The following MFSD12 variants were observed in gnomAD, a reference collection of about 807,000 sequenced individuals.
MFSD12 encodes major facilitator superfamily domain-containing protein 12.
A neutral mutation model predicts 51.2 loss-of-function variants in MFSD12; 67 were observed. That is an observed-to-expected ratio of 1.31 (90% CI 1.08 to 1.60). The LOEUF (loss-of-function observed/expected upper bound fraction) is 1.60. Among genes scored for constraint, MFSD12 ranks in the 40% most tolerant of loss-of-function variants. MFSD12 has a pLI of 0.00. For missense variants in MFSD12, 921 were observed against 673.0 expected (o/e 1.37, Z -4.08); for synonymous variants, 441 against 316.7 (o/e 1.39, Z -4.17).
downstream of MFSD12, among the ~76,000 whole-genome samples, chr19:3,540,541 G>C (rs12984831): frequency 0.026 from 3,958 of 151,266 alleles, 309 homozygotes; most frequent in East Asian, 0.27. Flanking sequence ...CAGGCGTGAG[G>C]CACCGCGCCT....
intron 1 of MFSD12, 87 bp downstream of exon 1, chr19:3,557,019 G>A: frequency 7.9e-7 from 1 of 1,258,948 alleles, no homozygotes; most frequent in South Asian, 1.7e-5. Flanking sequence ...GCAGGCAGAC[G>A]GCGGGTGGTG....
downstream of MFSD12, chr19:3,539,408 TC>T: frequency 1.7e-6 from 1 of 602,088 alleles, no homozygotes; most frequent in Admixed American, 2.6e-5. Context: ...CTCCAGCTCT[TC>T]CTGTTCCCCT....
downstream of MFSD12, chr19:3,541,702 A>G (rs2030432168): frequency 3.0e-6 from 3 of 985,206 alleles, no homozygotes; most frequent in Non-Finnish European, 3.6e-6. Flanking sequence ...GGGTGAGTGC[A>G]TGTACCACCT....
chr19:3,547,533 G>A lies in MFSD12; in HGVS notation c.852C>T (p.Tyr284=). 1 of 1,611,412 alleles carries A rather than the reference G, an allele frequency of 6.2e-7. No individual in the cohort carries two copies. Among genetic ancestry groups the A allele is most frequent in the Non-Finnish European group, 8.5e-7 (1 of 1,179,160 alleles). ...GGTTCACGATGAGCCTGGTGGTCAT[G>A]TACAGTATGCCCACCTGTGGGCAGA... is the stretch of plus-strand genomic sequence containing the variant. ...EPAFYQVGIL[Y]MTTRLIVNLS... is the part of the protein sequence containing the mutation. Residue 284 remains tyrosine, a synonymous_variant, in exon 5 of 10, where the codon TAC becomes TAT. Coordinates refer to ENST00000355415, the MANE Select transcript of MFSD12 (RefSeq NM_174983.5).
chr19:3,544,369 T>G lies in MFSD12; in HGVS notation c.*341A>C, dbSNP rs1599818635. ...TGTCTGGAGACCCCCAGGCTGGAGG[T>G]GAGGGGTGAACTGGACTGAGCTCAG... On this transcript the variant is annotated 3_prime_UTR_variant, in exon 10 of 10. Coordinates refer to ENST00000355415, the MANE Select transcript of MFSD12 (RefSeq NM_174983.5). 3.9e-6 allele frequency: 5 copies of G among 1,269,152 alleles called. No homozygotes were observed. Among genetic ancestry groups the G allele is most frequent in the South Asian group, 2.8e-5 (1 of 36,348 alleles). 78.6% of individuals were successfully genotyped at this position (1,269,152 alleles called of 1,614,324 possible).
intron 2 of MFSD12, among the ~76,000 whole-genome samples, chr19:3,550,329 G>A (rs922415999): frequency 3.3e-5 from 5 of 152,176 alleles, no homozygotes; most frequent in East Asian, 1.9e-4. Context: ...CAGGAGGATC[G>A]CTTGAGCCCA....
At chr19:3,542,640 C>T (rs1387577079), downstream of MFSD12, 3 of 1,065,506 alleles carry the variant, frequency 2.8e-6, no homozygotes, top group African/African-American at 3.3e-5. Flanking sequence ...CCACACCATG[C>T]CTGGCTTAAT....
At chr19:3,538,890 G>A (rs1340296023) in intron 4 of MFSD12, 35 of 642,650 alleles carry the variant, frequency 5.4e-5, no homozygotes, top group Middle Eastern at 6.3e-4. Context: ...GCCCCTCAAG[G>A]GGGTGTGGAG....
rs564229071 is a variant in MFSD12 at position 3,545,322 on chromosome 19, G to C, written c.1290-383C>G. Among the ~76,000 whole-genome samples, 5 of 152,254 alleles carry C rather than the reference G, an allele frequency of 3.3e-5. No individual in the cohort carries two copies. In the South Asian group the frequency reaches 6.2e-4, roughly 19 times the overall value. ...GTCCCTCTTCTGCCCACAGCTCTCT[G>C]TGAGTCCCACTGTCCTCAGGGTCAA... On this transcript the variant is annotated intron_variant, in intron 8 of 9. Transcript: ENST00000355415.
At position 3,548,017 on chromosome 19, in the gene MFSD12, A is replaced by G. The variant is rs755446974; in HGVS notation, c.668T>C (p.Leu223Pro). 6.3e-7 allele frequency: 1 copy of G among 1,599,488 alleles called. No individual in the cohort carries two copies. Among genetic ancestry groups the G allele is most frequent in the East Asian group, 2.2e-5 (1 of 44,832 alleles). ...DVPVFRNLSLLVVGVGAVFSL... is the reference protein window; with the variant it reads ...DVPVFRNLSLPVVGVGAVFSL... The stretch of plus-strand genomic sequence containing the variant: ...GAACACGGCGCCGACACCCACCACC[A>G]GCAGGGACAGGTTCTGGGGATGCAG... The change falls in exon 4 of 10, where the codon CTG (leucine) becomes CCG (proline). Residue 223 changes from leucine (L) to proline (P), a missense_variant. Coordinates refer to ENST00000355415, the MANE Select transcript of MFSD12 (RefSeq NM_174983.5).
At chr19:3,542,029 C>T (rs570751079), downstream of MFSD12, 13 of 618,664 alleles carry the variant, frequency 2.1e-5, no homozygotes, top group Non-Finnish European at 2.2e-5. Flanking sequence ...AGGCTGGTCT[C>T]GAACTCCTGA....
chr19:3,545,389 C>T (rs929456508), intron 8 of MFSD12, among the ~76,000 whole-genome samples: 1 of 152,232 alleles, frequency 6.6e-6, no homozygotes, highest in Non-Finnish European at 1.5e-5. Flanking sequence ...CCCTGCACGA[C>T]CTGCCCTCCC....
At chr19:3,542,177 G>A (rs915855669), downstream of MFSD12, 374 of 985,368 alleles carry the variant, frequency 3.8e-4, no homozygotes, top group Non-Finnish European at 4.3e-4. Context: ...AAAAGGGTGA[G>A]GTTCTCCTGA....
At chr19:3,543,565 G>A (rs2145168247), downstream of MFSD12, 1 of 1,455,288 alleles carries the variant, frequency 6.9e-7, no homozygotes. Flanking sequence ...CCTACACCCA[G>A]CACCTGCGGG....
In MFSD12 at chr19:3,547,912, G is replaced by C; in HGVS notation, c.773C>G (p.Ala258Gly). The change falls in exon 4 of 10, where the codon GCC (alanine) becomes GGC (glycine). Residue 258 changes from alanine (A) to glycine (G), a missense_variant. Ala to Gly is a moderately conservative substitution (Grantham distance 60). Transcript: ENST00000355415. Reference sequence around the variant, plus strand: ...CAGCAGGGGCTGGGCCGTGGCAGGGGCCAACAGGGGGGTGTGCTCGCCTGG... The same window carrying C: ...CAGCAGGGGCTGGGCCGTGGCAGGGCCCAACAGGGGGGTGTGCTCGCCTGG... ...EEPGEHTPLL[A>G]PATAQPLLLW... 1 of 1,574,014 alleles carries C rather than the reference G, an allele frequency of 6.4e-7. No homozygotes were observed.
chr19:3,554,120 G>A (rs2031619178), intron 1 of MFSD12, among the ~76,000 whole-genome samples: 1 of 151,798 alleles, frequency 6.6e-6, no homozygotes, highest in South Asian at 2.1e-4. Flanking sequence ...ATTAAAAAAA[G>A]AAGAGAAAGA....
downstream of MFSD12, chr19:3,542,476 T>C (rs1423066230): frequency 2.0e-6 from 2 of 984,458 alleles, no homozygotes; most frequent in Non-Finnish European, 2.4e-6. Flanking sequence ...TTTGAGTCTC[T>C]TGTCTTTTTG....
chr19:3,557,469 G>C lies in MFSD12; in HGVS notation c.-66C>G, dbSNP rs1169431173. The C allele has an allele frequency of 9.8e-7, 1 of 1,025,028 alleles. No homozygotes were observed. The highest frequency in any genetic ancestry group is 1.2e-6 in the Non-Finnish European group (1 of 818,052). The allele number at this position is 1,025,028 out of a possible 1,614,324, so 63.5% of individuals were successfully genotyped here. On this transcript the variant is annotated 5_prime_UTR_variant, in exon 1 of 10. Coordinates refer to ENST00000355415, the MANE Select transcript of MFSD12 (RefSeq NM_174983.5). Reference sequence around the variant, plus strand: ...GAGGGTACCCTGGCCAGGCCTTCTTGGGTGCCGTGGGGGCAGGCGCCGGGG... The same window carrying C: ...GAGGGTACCCTGGCCAGGCCTTCTTCGGTGCCGTGGGGGCAGGCGCCGGGG...
In MFSD12 at chr19:3,548,032, TG is replaced by T; in HGVS notation, c.655-3del. On this transcript the variant is annotated splice_polypyrimidine_tract_variant and splice_region_variant and intron_variant, in intron 3 of 9. Transcript: ENST00000355415. ...ACCCACCACCAGCAGGGACAGGTTCTGGGGATGCAGCAGAAGCAGTCAGTGG... is the reference window on the plus strand; with the variant it reads ...ACCCACCACCAGCAGGGACAGGTTCTGGGATGCAGCAGAAGCAGTCAGTGG... 6.3e-7 allele frequency: 1 copy of T among 1,599,946 alleles called. No homozygotes were observed.
Sources: allele counts gnomAD v4.1 joint callset (sites outside exome capture counted in the v4.1 genomes callset), GRCh38; gene constraint gnomAD v4.1.1; transcripts MANE v1.5; gene names NCBI Gene and HGNC (gene_info 2026-07-23, HGNC 2026-07-21).